The following PIDD1 variants were observed in gnomAD, a reference collection of about 807,000 sequenced individuals.
The protein encoded by PIDD1 is p53-induced death domain protein 1.
Under a neutral mutation model 80.0 loss-of-function variants are expected in PIDD1, and 72 were observed. The ratio of observed to expected loss-of-function variants is 0.90; its 90% confidence interval spans 0.74 to 1.09. PIDD1 has a LOEUF of 1.09. Among genes scored for constraint, PIDD1 ranks in the 50% least tolerant of loss-of-function variants. The pLI is 0.00. For missense variants in PIDD1, 1,329 were observed against 1,228.3 expected (o/e 1.08, Z -1.23); for synonymous variants, 655 against 543.5 (o/e 1.21, Z -2.85).
upstream of PIDD1, chr11:805,266 A>T: frequency 5.2e-6 from 5 of 969,710 alleles, no homozygotes; most frequent in Non-Finnish European, 6.1e-6. Flanking sequence ...GTGGGCGGGG[A>T]CTGCAGACCC....
At chr11:805,613 C>G (rs1865731078), upstream of PIDD1, 1 of 985,294 alleles carries the variant, frequency 1.0e-6, no homozygotes, top group Non-Finnish European at 1.2e-6. Flanking sequence ...GCCCCGCACC[C>G]ACCCCTGCTA....
At chr11:803,894 G>A in intron 2 of PIDD1, 200 bp downstream of exon 2, 1 of 677,420 alleles carries the variant, frequency 1.5e-6, no homozygotes, top group East Asian at 2.7e-5. Context: ...CCAGGGCCCA[G>A]CCAGCCCCAC....
upstream of PIDD1, among the ~76,000 whole-genome samples, chr11:807,161 C>T (rs142682495): frequency 7.0e-3 from 995 of 142,602 alleles, 4 homozygotes; most frequent in African/African-American, 0.024. Context: ...CACTGCACTC[C>T]AGCTTGGGTG....
intron 1 of PIDD1, chr11:804,763 T>C (rs1293620001): frequency 2.7e-5 from 6 of 219,454 alleles, no homozygotes; most frequent in Non-Finnish European, 5.4e-5. Flanking sequence ...AATGGAGCCG[T>C]GGAGCTGCGA....
Position 803,319 on chromosome 11 carries a change from TG to T in PIDD1, c.563del (p.Pro188GlnfsTer83), listed in dbSNP as rs1217959087. On this transcript the variant is annotated frameshift_variant, in exon 3 of 16. Coordinates refer to ENST00000347755, the MANE Select transcript of PIDD1 (RefSeq NM_145886.4). LOFTEE classifies it high-confidence loss of function. ...VTHNRLQTLP[P>X]ALGALSTLQR... ...GCAGGGTGGATAGGGCCCCCAGTGC[TG>T]GGGGCAGCGTCTGCAGGCGGTTGTG... is the stretch of plus-strand genomic sequence containing the variant. 1 of 1,613,746 alleles carries T rather than the reference TG, an allele frequency of 6.2e-7. No homozygotes were observed. The highest frequency in any genetic ancestry group is 1.1e-5 in the South Asian group (1 of 91,074).
chr11:805,355 C>T (rs2133816957), upstream of PIDD1: 1 of 440,616 alleles, frequency 2.3e-6, no homozygotes, highest in East Asian at 1.6e-4. Flanking sequence ...CCGGCTCCTC[C>T]CCGACCCGCC....
Position 804,436 on chromosome 11 carries a change from A to G in PIDD1, c.-48T>C. On this transcript the variant is annotated 5_prime_UTR_variant, in exon 2 of 16. Transcript: ENST00000347755. ...GCCAGACATGTCCCAGCACGCAGGC[A>G]GGCCTGTCCAGGCAGCGCCCGGGGA... 2.0e-6 allele frequency: 3 copies of G among 1,529,028 alleles called. No homozygotes were observed. Among genetic ancestry groups the G allele is most frequent in the Non-Finnish European group, 2.6e-6 (3 of 1,141,022 alleles). The allele number at this position is 1,529,028 out of a possible 1,614,324, so 94.7% of individuals were successfully genotyped here.
chr11:808,656 A>T (rs755770572), upstream of PIDD1, among the ~76,000 whole-genome samples: 13 of 152,218 alleles, frequency 8.5e-5, no homozygotes, highest in Non-Finnish European at 1.5e-4. Context: ...TGATCGAGCC[A>T]CTGCACTCCA....
At position 803,165 on chromosome 11, in the gene PIDD1, G is replaced by C. The variant is rs748815139; in HGVS notation, c.709+9C>G. 1.3e-6 allele frequency: 2 copies of C among 1,582,010 alleles called. No individual in the cohort carries two copies. Among genetic ancestry groups the C allele is most frequent in the Middle Eastern group, 1.7e-4 (1 of 5,880 alleles). ...GGGGCCAGTGTGTCGGGGCGCAGGG[G>C]CTACTCACCCAGAGAGGCTGGGAGG... is the stretch of plus-strand genomic sequence containing the variant. On this transcript the variant is annotated intron_variant, in intron 3 of 15. Coordinates refer to ENST00000347755, the MANE Select transcript of PIDD1 (RefSeq NM_145886.4).
upstream of PIDD1, among the ~76,000 whole-genome samples, chr11:806,767 T>G (rs566679024): frequency 6.6e-6 from 1 of 151,600 alleles, no homozygotes; most frequent in Non-Finnish European, 1.5e-5. Context: ...GTATTTTTAG[T>G]AGAGACGGGG....
intron 14 of PIDD1, 31 bp downstream of exon 14, chr11:800,100 G>GC: frequency 6.2e-7 from 1 of 1,603,792 alleles, no homozygotes; most frequent in African/African-American, 1.3e-5. Context: ...CCTCGGTCCT[G>GC]CCCCGCCCCT....
At chr11:808,981 A>T (rs1865922183), upstream of PIDD1, among the ~76,000 whole-genome samples, 1 of 152,066 alleles carries the variant, frequency 6.6e-6, no homozygotes. Flanking sequence ...CTCGCCCGGG[A>T]TATTGGCAGG....
At chr11:804,003 G>C in intron 2 of PIDD1, 91 bp downstream of exon 2, 1 of 1,405,594 alleles carries the variant, frequency 7.1e-7, no homozygotes, top group Non-Finnish European at 9.6e-7. Flanking sequence ...CCTGGAGCTG[G>C]GGCTGGGACT....
Position 802,895 on chromosome 11 carries a change from CG to C in PIDD1, c.710-5del. Reference sequence around the variant, plus strand: ...AGCCGCAAGGACCGAAGTCCCGCTGCGGGCAGTTGCTGGCTTAGGCTTGGCA... The same window carrying C: ...AGCCGCAAGGACCGAAGTCCCGCTGCGGCAGTTGCTGGCTTAGGCTTGGCA... On this transcript the variant is annotated splice_region_variant and splice_polypyrimidine_tract_variant and intron_variant, in intron 3 of 15. Transcript: ENST00000347755. 6.4e-7 allele frequency: 1 copy of C among 1,556,772 alleles called. No homozygotes were observed.
rs1158376153 is a variant in PIDD1 at position 800,119 on chromosome 11, C to T, written c.2274+12G>A. ...GGTCCTGCCCCGCCCCTCTGCTGTCCCTCAGTCCCACCGGCAGCTTGATGG... is the reference window on the plus strand; with the variant it reads ...GGTCCTGCCCCGCCCCTCTGCTGTCTCTCAGTCCCACCGGCAGCTTGATGG... On this transcript the variant is annotated intron_variant, in intron 14 of 15. Transcript: ENST00000347755. 4.4e-6 allele frequency: 7 copies of T among 1,608,902 alleles called. No homozygotes were observed. The highest frequency in any genetic ancestry group is 1.3e-5 in the African/African-American group (1 of 74,908).
At chr11:804,858 T>G in intron 1 of PIDD1, 1 of 155,914 alleles carries the variant, frequency 6.4e-6, no homozygotes, top group Non-Finnish European at 1.4e-5. Context: ...GACCCTCCCC[T>G]ACCGCGGGGG....
rs1865325719 is a variant in PIDD1 at position 801,556 on chromosome 11, A to AT, written c.1370dup (p.Asn457LysfsTer30). 6.4e-7 allele frequency: 1 copy of AT among 1,569,344 alleles called. No homozygotes were observed. The highest frequency in any genetic ancestry group is 1.4e-5 in the African/African-American group (1 of 73,966). ...TCCCCTCCGGTGGCACCAGGCAGGC[A>AT]TTGGACACAGGGCGGGAAACCACAA... On this transcript the variant is annotated frameshift_variant, in exon 8 of 16. Coordinates refer to ENST00000347755, the MANE Select transcript of PIDD1 (RefSeq NM_145886.4). LOFTEE classifies it high-confidence loss of function.
At chr11:803,691 ACCCCAC>A in intron 2 of PIDD1, 104 bp from the exon 3 acceptor site, 1 of 1,281,332 alleles carries the variant, frequency 7.8e-7, no homozygotes, top group South Asian at 1.4e-5. Context: ...CAGACCTCCC[ACCCCAC>A]CCCCACCCCA....
At chr11:799,731 A>C (rs1028844466) in intron 15 of PIDD1, 84 bp downstream of exon 15, 13 of 1,386,188 alleles carry the variant, frequency 9.4e-6, no homozygotes, top group African/African-American at 1.5e-5. Flanking sequence ...CCCTGGAAGA[A>C]ACTTCTGTCA....
Sources: allele counts gnomAD v4.1 joint callset (sites outside exome capture counted in the v4.1 genomes callset), GRCh38; gene constraint gnomAD v4.1.1; transcripts MANE v1.5; gene names NCBI Gene and HGNC (gene_info 2026-07-23, HGNC 2026-07-21).